Variants in ACSF3 observed in about 807,000 individuals in gnomAD.
The protein encoded by ACSF3 is malonate--CoA ligase ACSF3, mitochondrial.
In ACSF3, 78 loss-of-function variants were observed where a neutral mutation model predicts 53.2. The observed-to-expected ratio is 1.47, with a 90% confidence interval of 1.22 to 1.77. The LOEUF (loss-of-function observed/expected upper bound fraction) is 1.77. ACSF3 is among the 40% of genes most tolerant of loss of function. The pLI, the probability that ACSF3 is intolerant of heterozygous loss-of-function variation, is 0.00. For missense variants in ACSF3, 937 were observed against 771.1 expected (o/e 1.22, Z -2.55); for synonymous variants, 414 against 333.1 (o/e 1.24, Z -2.65).
rs1277612080 is a variant in ACSF3 at position 89,102,719 on chromosome 16, G to A, written c.782G>A (p.Gly261Glu). 9.9e-6 allele frequency: 16 copies of A among 1,612,626 alleles called. No individual in the cohort carries two copies. Among genetic ancestry groups the A allele is most frequent in the Non-Finnish European group, 1.4e-5 (16 of 1,179,850 alleles). ...GCGCTGCTCTGTCCTCTCTGGGTGG[G>A]AGCCACCTGTGTGATGATGCCTGAG... ...VNALLCPLWV[G>E]ATCVMMPEFS... is the part of the protein sequence containing the mutation. The change falls in exon 4 of 11, where the codon GGA becomes GAA. Residue 261 changes from glycine (G) to glutamate (E), a missense_variant. Coordinates refer to ENST00000614302, the MANE Select transcript of ACSF3 (RefSeq NM_001243279.3).
At chr16:89,116,834 G>A (rs1320416453) in intron 6 of ACSF3, among the ~76,000 whole-genome samples, 1 of 152,206 alleles carries the variant, frequency 6.6e-6, no homozygotes, top group Non-Finnish European at 1.5e-5. Context: ...CAGTGCTAGC[G>A]GCCCCTGCTC....
At chr16:89,101,373 G>A (rs750978408) in intron 3 of ACSF3, 26 bp downstream of exon 3, 1 of 1,559,648 alleles carries the variant, frequency 6.4e-7, no homozygotes, top group Admixed American at 1.9e-5. Flanking sequence ...CGCCGTGATG[G>A]TTTCGGTGAC....
At chr16:89,114,694 G>A (rs1904768690) in intron 6 of ACSF3, 1 of 711,224 alleles carries the variant, frequency 1.4e-6, no homozygotes, top group African/African-American at 1.7e-5. Flanking sequence ...GTCTCAGTCG[G>A]GTGGATGGGG....
At chr16:89,101,879 C>A (rs1975387066) in intron 3 of ACSF3, among the ~76,000 whole-genome samples, 2 of 152,232 alleles carry the variant, frequency 1.3e-5, no homozygotes, top group Non-Finnish European at 2.9e-5. Context: ...GAAGTGTACC[C>A]CACGGAGTCG....
At chr16:89,106,321 C>G (rs898828674) in intron 4 of ACSF3, among the ~76,000 whole-genome samples, 8 of 147,882 alleles carry the variant, frequency 5.4e-5, no homozygotes, top group African/African-American at 2.0e-4. Flanking sequence ...GAGATGGAGT[C>G]TCGCACTGTT....
chr16:89,119,380 A>T (rs1297819049), intron 6 of ACSF3, among the ~76,000 whole-genome samples: 3 of 152,150 alleles, frequency 2.0e-5, no homozygotes. Flanking sequence ...CAGAAAAACC[A>T]CGGACGCGGA....
chr16:89,118,568 A>AGAGG (rs1271507671), intron 6 of ACSF3, among the ~76,000 whole-genome samples: 1 of 151,492 alleles, frequency 6.6e-6, no homozygotes, highest in Admixed American at 6.6e-5. Flanking sequence ...CGGAAGAGAG[A>AGAGG]GAAGCTGGGT....
At chr16:89,131,089 C>G (rs932945972) in intron 7 of ACSF3, among the ~76,000 whole-genome samples, 11 of 148,836 alleles carry the variant, frequency 7.4e-5, no homozygotes, top group Admixed American at 2.0e-4. Context: ...CATTTATTTC[C>G]AAGTGTTTGC....
intron 8 of ACSF3, among the ~76,000 whole-genome samples, chr16:89,138,293 C>G (rs530675471): frequency 6.6e-6 from 1 of 152,322 alleles, no homozygotes; most frequent in Admixed American, 6.5e-5. Context: ...TAGCTGTCCC[C>G]TCGTCCAGGG....
chr16:89,104,571 G>T (rs372510635), intron 4 of ACSF3, among the ~76,000 whole-genome samples: 54 of 152,298 alleles, frequency 3.5e-4, no homozygotes, highest in African/African-American at 1.3e-3. Flanking sequence ...ATTTCGCCAG[G>T]AAGGGGTCCC....
intron 5 of ACSF3, 103 bp from the exon 6 acceptor site, chr16:89,114,236 C>G: frequency 6.5e-7 from 1 of 1,548,792 alleles, no homozygotes; most frequent in Non-Finnish European, 8.8e-7. Flanking sequence ...GGAGCTGCCA[C>G]TTTTGCAAGC....
chr16:89,134,158 G>A (rs576129171), intron 8 of ACSF3, among the ~76,000 whole-genome samples: 7 of 152,342 alleles, frequency 4.6e-5, no homozygotes, highest in South Asian at 2.1e-4. Context: ...AGATGGTAGC[G>A]GGCAGCTTCC....
intron 10 of ACSF3, among the ~76,000 whole-genome samples, chr16:89,146,425 C>T (rs994985971): frequency 5.3e-5 from 8 of 152,132 alleles, no homozygotes; most frequent in Admixed American, 2.0e-4. Flanking sequence ...TGGCCGCACG[C>T]GCTGGGCCCT....
At chr16:89,128,691 T>C (rs1908659861) in intron 7 of ACSF3, among the ~76,000 whole-genome samples, 1 of 152,270 alleles carries the variant, frequency 6.6e-6, no homozygotes, top group African/African-American at 2.4e-5. Context: ...TTTTCCATTA[T>C]CTTTCTGTTA....
chr16:89,126,829 A>G (rs1460031808), intron 7 of ACSF3, among the ~76,000 whole-genome samples: 1 of 152,268 alleles, frequency 6.6e-6, no homozygotes, highest in East Asian at 1.9e-4. Context: ...ACTGAACAGA[A>G]GCAGTCCGAG....
At chr16:89,097,681 G>A (rs892082334) in intron 1 of ACSF3, among the ~76,000 whole-genome samples, 2 of 152,254 alleles carry the variant, frequency 1.3e-5, no homozygotes, top group Non-Finnish European at 2.9e-5. Flanking sequence ...GTGAAGCCCA[G>A]TTGTTTTCTT....
At chr16:89,103,783 A>C (rs558292899) in intron 4 of ACSF3, among the ~76,000 whole-genome samples, 1 of 152,122 alleles carries the variant, frequency 6.6e-6, no homozygotes, top group Non-Finnish European at 1.5e-5. Context: ...CCCTCTCTGC[A>C]TGGCTTCCTC....
chr16:89,143,514 C>T (rs1362035504), intron 8 of ACSF3, among the ~76,000 whole-genome samples: 4 of 152,050 alleles, frequency 2.6e-5, no homozygotes, highest in South Asian at 2.1e-4. Flanking sequence ...GCAGCCTGGA[C>T]GGGGTGGCTC....
chr16:89,141,261 A>G (rs999034414), intron 8 of ACSF3: 1 of 1,287,248 alleles, frequency 7.8e-7, no homozygotes, highest in Non-Finnish European at 1.0e-6. Context: ...CCCTTGGCAA[A>G]GGCACAGCAA....
Sources: allele counts gnomAD v4.1 joint callset (sites outside exome capture counted in the v4.1 genomes callset), GRCh38; gene constraint gnomAD v4.1.1; transcripts MANE v1.5; gene names NCBI Gene and HGNC (gene_info 2026-07-23, HGNC 2026-07-21).